ARHGAP10: variants seen among roughly 807,000 people sequenced by gnomAD.
ARHGAP10 encodes rho GTPase-activating protein 10.
A neutral mutation model predicts 108.6 loss-of-function variants in ARHGAP10; 87 were observed. The ratio of observed to expected loss-of-function variants is 0.80; its 90% CI spans 0.67 to 0.96. The LOEUF is 0.96. Ranked by LOEUF, ARHGAP10 falls within the 40% of genes least tolerant of loss-of-function variation. The probability of loss-of-function intolerance (pLI) is 0.00; values close to 1 mark genes in which losing one functional copy is unlikely to be tolerated. For missense variants in ARHGAP10, 939 were observed against 954.5 expected (o/e 0.98, Z 0.21); for synonymous variants, 347 against 341.1 (o/e 1.02, Z -0.19).
At chr4:147,766,714 T>A in intron 1 of ARHGAP10, among the ~76,000 whole-genome samples, 1 of 145,100 alleles carries the variant, frequency 6.9e-6, no homozygotes, top group Non-Finnish European at 1.5e-5. Flanking sequence ...TCTCAAAAAA[T>A]ATATATAATA....
intron 3 of ARHGAP10, among the ~76,000 whole-genome samples, chr4:147,844,444 AT>A (rs1453499247): frequency 1.3e-5 from 2 of 151,970 alleles, no homozygotes; most frequent in South Asian, 2.1e-4. Context: ...CTTTCAAACT[AT>A]TTTTTTGTAC....
At chr4:147,875,186 T>C in intron 8 of ARHGAP10, 36 bp downstream of exon 8, 1 of 1,523,444 alleles carries the variant, frequency 6.6e-7, no homozygotes, top group Non-Finnish European at 8.8e-7. Flanking sequence ...CGTGGCTGCT[T>C]AAAAATGCAA....
chr4:147,766,098 TGG>T (rs1560746232), intron 1 of ARHGAP10, among the ~76,000 whole-genome samples: 63 of 152,052 alleles, frequency 4.1e-4, no homozygotes, highest in Admixed American at 4.1e-3. Flanking sequence ...CTGGCCAACA[TGG>T]TGAAACCCTG....
chr4:147,797,719 C>T (rs549900218), intron 1 of ARHGAP10, among the ~76,000 whole-genome samples: 5 of 152,120 alleles, frequency 3.3e-5, no homozygotes, highest in South Asian at 4.2e-4. Flanking sequence ...CCAGCCAACA[C>T]GCCCGGCCCC....
chr4:147,842,730 C>T (rs974850753), intron 3 of ARHGAP10, among the ~76,000 whole-genome samples: 1 of 152,184 alleles, frequency 6.6e-6, no homozygotes, highest in Non-Finnish European at 1.5e-5. Flanking sequence ...CTCCTCTGCT[C>T]CCCAGAAGCT....
Position 147,864,583 on chromosome 4 carries a change from T to G in ARHGAP10, c.487-263T>G, listed in dbSNP as rs191678041. ...AACAGAGTAGGAGTCACAAGCTTTTTCTGCAAAGAAACTGATAGTAAATAT... is the reference window on the plus strand; with the variant it reads ...AACAGAGTAGGAGTCACAAGCTTTTGCTGCAAAGAAACTGATAGTAAATAT... On this transcript the variant is annotated intron_variant, in intron 5 of 22. Coordinates refer to ENST00000336498, the MANE Select transcript of ARHGAP10 (RefSeq NM_024605.4). 2.2e-5 allele frequency: 7 copies of G among 320,588 alleles called. No homozygotes were observed. In the East Asian group the frequency reaches 4.7e-4, roughly 21 times the overall value. The allele number at this position is 320,588 out of a possible 1,614,324, so 19.9% of individuals were successfully genotyped here.
At chr4:148,005,038 A>G (rs575957879) in intron 18 of ARHGAP10, among the ~76,000 whole-genome samples, 46 of 152,324 alleles carry the variant, frequency 3.0e-4, no homozygotes, top group Non-Finnish European at 5.3e-4. Flanking sequence ...TAAATTTAAA[A>G]AAAGAATCTC....
At chr4:147,936,844 A>C (rs1261399383) in intron 13 of ARHGAP10, among the ~76,000 whole-genome samples, 1 of 152,178 alleles carries the variant, frequency 6.6e-6, no homozygotes, top group African/African-American at 2.4e-5. Context: ...AGGGGTCCCC[A>C]ATCCCCAGAC....
intron 16 of ARHGAP10, among the ~76,000 whole-genome samples, chr4:147,964,680 A>G (rs916366059): frequency 7.9e-5 from 12 of 152,174 alleles, no homozygotes; most frequent in Non-Finnish European, 1.5e-4. Context: ...TGACCCAGTG[A>G]CTAGACCCCA....
intron 4 of ARHGAP10, among the ~76,000 whole-genome samples, chr4:147,855,382 G>A (rs1002543624): frequency 6.6e-6 from 1 of 151,936 alleles, no homozygotes; most frequent in Non-Finnish European, 1.5e-5. Context: ...TAAAATAGTG[G>A]AAGAGCATAA....
intron 17 of ARHGAP10, 96 bp downstream of exon 17, chr4:147,965,225 C>T (rs913442056): frequency 3.8e-6 from 3 of 794,432 alleles, no homozygotes; most frequent in Middle Eastern, 2.4e-4. Flanking sequence ...GGGACCACAC[C>T]TGGAAGGGCA....
chr4:147,789,364 ACTGCTACCT>A (rs1443207392), intron 1 of ARHGAP10, among the ~76,000 whole-genome samples: 1 of 152,202 alleles, frequency 6.6e-6, no homozygotes, highest in African/African-American at 2.4e-5. Flanking sequence ...ATCTCAGCTC[ACTGCTACCT>A]CTGCCTCCCC....
At position 147,942,846 on chromosome 4, in the gene ARHGAP10, C is replaced by T. The variant is rs368643108; in HGVS notation, c.1303+2947C>T. On this transcript the variant is annotated intron_variant, in intron 14 of 22. Transcript: ENST00000336498. ...CTATCCGCTGGATTTCCAGCAGCCT[C>T]TAAGCCTTTCCCTGGACCAAGCTTC... Among the ~76,000 whole-genome samples the T allele has an allele frequency of 2.5e-4, 38 of 152,400 alleles. No homozygotes were observed. In the South Asian group the frequency reaches 7.2e-3, roughly 29 times the overall value.
Position 147,814,224 on chromosome 4 carries a change from A to C in ARHGAP10, c.155-8503A>C, listed in dbSNP as rs547692455. ...GTTGGTCGTTTCTTGTGGTTCATTT[A>C]GTTCTTATCATCGTGGCTTGTCTTG... On this transcript the variant is annotated intron_variant, in intron 1 of 22. Coordinates refer to ENST00000336498, the MANE Select transcript of ARHGAP10 (RefSeq NM_024605.4). Among the ~76,000 whole-genome samples, 262 of 151,736 alleles carry C rather than the reference A, an allele frequency of 1.7e-3. 2 individuals carry two copies. Among genetic ancestry groups the C allele is most frequent in the African/African-American group, 6.1e-3 (251 of 41,374 alleles).
rs1729941361 is a variant in ARHGAP10, at chr4:148,067,334, C to G, written c.2272+2827C>G. Reference sequence around the variant, plus strand: ...TACATCTTCTGTGCATAGTTGATCTCTTAGCTAGTTAAAAGCAGGTGCTTG... The same window carrying G: ...TACATCTTCTGTGCATAGTTGATCTGTTAGCTAGTTAAAAGCAGGTGCTTG... On this transcript the variant is annotated intron_variant, in intron 22 of 22. Coordinates refer to ENST00000336498, the MANE Select transcript of ARHGAP10 (RefSeq NM_024605.4). Among the ~76,000 whole-genome samples the G allele has an allele frequency of 2.6e-5, 4 of 152,334 alleles. No individual in the cohort carries two copies. In the South Asian group the frequency reaches 8.3e-4, roughly 32 times the overall value.
At chr4:147,918,133 ATTT>A (rs760617123) in intron 13 of ARHGAP10, among the ~76,000 whole-genome samples, 7 of 129,962 alleles carry the variant, frequency 5.4e-5, no homozygotes, top group Admixed American at 8.0e-5. Flanking sequence ...TCTCATTAAG[ATTT>A]TTTTTTTTTT....
intron 18 of ARHGAP10, among the ~76,000 whole-genome samples, chr4:147,973,678 G>A (rs139874316): frequency 4.4e-4 from 67 of 152,034 alleles, no homozygotes; most frequent in African/African-American, 1.4e-3. Context: ...TGCTCCCCCC[G>A]CCACTGCTCA....
chr4:147,932,687 T>C (rs1343305829), intron 13 of ARHGAP10, among the ~76,000 whole-genome samples: 1 of 151,940 alleles, frequency 6.6e-6, no homozygotes, highest in Non-Finnish European at 1.5e-5. Context: ...TCAGGAAGAA[T>C]AGCTAATGGA....
intron 4 of ARHGAP10, chr4:147,854,596 C>A (rs1579119773): frequency 1.9e-6 from 1 of 530,816 alleles, no homozygotes; most frequent in Non-Finnish European, 2.4e-6. Context: ...TTCTGTAATG[C>A]AGTATTGGGG....
Sources: gnomAD v4.1 joint callset for allele counts (sites outside exome capture counted in the v4.1 genomes callset) on GRCh38, gnomAD v4.1.1 for gene constraint, MANE v1.5 for transcripts, NCBI Gene and HGNC (gene_info 2026-07-23, HGNC 2026-07-21) for gene names.